EFL1: variants seen among roughly 807,000 people sequenced by gnomAD.
The protein encoded by EFL1 is elongation factor like GTPase 1, also known as elongation factor-like GTPase 1.
EFL1 carries 76 observed loss-of-function variants against 126.7 expected under a neutral mutation model. The ratio of observed to expected loss-of-function variants is 0.60; its 90% CI spans 0.50 to 0.73. The LOEUF is 0.73. EFL1 is among the 30% of genes least tolerant of loss of function. EFL1 has a pLI of 0.00. For missense variants in EFL1, 1,128 were observed against 1,343.2 expected (o/e 0.84, Z 2.50); for synonymous variants, 410 against 448.4 (o/e 0.91, Z 1.08).
chr15:82,163,797 T>C (rs1234028018), intron 16 of EFL1, 56 bp downstream of exon 16: 8 of 1,580,112 alleles, frequency 5.1e-6, no homozygotes, highest in Non-Finnish European at 6.9e-6. Flanking sequence ...ACTAAATACA[T>C]GCATATGCTT....
chr15:82,132,054 A>C (rs1040249764), intron 19 of EFL1, among the ~76,000 whole-genome samples: 1 of 152,226 alleles, frequency 6.6e-6, no homozygotes, highest in Admixed American at 6.5e-5. Flanking sequence ...CCAAGATAAT[A>C]AAATAATCCA....
chr15:82,153,091 C>A (rs1378071999), intron 17 of EFL1, among the ~76,000 whole-genome samples: 1 of 152,038 alleles, frequency 6.6e-6, no homozygotes, highest in Non-Finnish European at 1.5e-5. Flanking sequence ...ATTTGAAATG[C>A]GGCTAGTATG....
At chr15:82,237,218 T>C (rs1399980710) in intron 7 of EFL1, among the ~76,000 whole-genome samples, 1 of 152,086 alleles carries the variant, frequency 6.6e-6, no homozygotes, top group Admixed American at 6.6e-5. Flanking sequence ...TGTTAGAGGA[T>C]ATGAAGTCAA....
chr15:82,167,992 G>C (rs1258415991), intron 15 of EFL1, among the ~76,000 whole-genome samples: 1 of 152,156 alleles, frequency 6.6e-6, no homozygotes, highest in East Asian at 1.9e-4. Flanking sequence ...CATATGTCAT[G>C]AACATCCATA....
chr15:82,209,655 T>C (rs760637049), intron 15 of EFL1, among the ~76,000 whole-genome samples: 3 of 152,234 alleles, frequency 2.0e-5, no homozygotes, highest in African/African-American at 7.2e-5. Context: ...CAAAACGCTA[T>C]TGTGTGCTAA....
At chr15:82,194,555 C>T (rs1327678761) in intron 15 of EFL1, among the ~76,000 whole-genome samples, 1 of 152,238 alleles carries the variant, frequency 6.6e-6, no homozygotes, top group East Asian at 1.9e-4. Flanking sequence ...AATGCACTTA[C>T]AGAATTATTA....
chr15:82,187,042 T>C (rs1289149091), intron 15 of EFL1, among the ~76,000 whole-genome samples: 12 of 152,218 alleles, frequency 7.9e-5, no homozygotes, highest in Non-Finnish European at 1.8e-4. Flanking sequence ...TTTGGATATT[T>C]TGTTATACCT....
chr15:82,184,609 A>C (rs1015538004), intron 15 of EFL1, among the ~76,000 whole-genome samples: 1 of 152,256 alleles, frequency 6.6e-6, no homozygotes, highest in Non-Finnish European at 1.5e-5. Flanking sequence ...AGCATAGTCT[A>C]AAATGAGATG....
intron 3 of EFL1, among the ~76,000 whole-genome samples, chr15:82,257,139 A>T (rs2075073657): frequency 6.6e-6 from 1 of 152,168 alleles, no homozygotes; most frequent in Admixed American, 6.5e-5. Context: ...CAATTTCTTA[A>T]ATGACTATAG....
intron 15 of EFL1, among the ~76,000 whole-genome samples, chr15:82,201,035 T>G (rs1424506280): frequency 1.3e-5 from 2 of 152,212 alleles, no homozygotes; most frequent in African/African-American, 4.8e-5. Context: ...ACCATGCCTG[T>G]TTTTTTATTT....
intron 4 of EFL1, among the ~76,000 whole-genome samples, chr15:82,245,561 C>A (rs1274800637): frequency 1.3e-5 from 2 of 152,036 alleles, no homozygotes; most frequent in African/African-American, 4.8e-5. Flanking sequence ...AATTGTAAAG[C>A]TGACACAGGT....
intron 15 of EFL1, among the ~76,000 whole-genome samples, chr15:82,195,493 G>A (rs370535420): frequency 3.3e-5 from 5 of 152,192 alleles, no homozygotes; most frequent in Non-Finnish European, 5.9e-5. Context: ...CAGTGAACAT[G>A]AGAATCAACG....
intron 4 of EFL1, 37 bp downstream of exon 4, chr15:82,252,654 G>A (rs1436465914): frequency 4.0e-6 from 6 of 1,505,394 alleles, no homozygotes; most frequent in Non-Finnish European, 5.5e-6. Flanking sequence ...CATGAAAGAT[G>A]CAAAGCTGTG....
chr15:82,130,563 T>C lies in EFL1; in HGVS notation c.3175-2A>G, dbSNP rs2073629531. The C allele has an allele frequency of 3.1e-6, 5 of 1,613,172 alleles. No homozygotes were observed. Among genetic ancestry groups the C allele is most frequent in the Non-Finnish European group, 4.2e-6 (5 of 1,179,676 alleles). On this transcript the variant is annotated splice_acceptor_variant, in intron 19 of 19. Transcript: ENST00000268206. LOFTEE classifies it high-confidence loss of function. ...CCAGAAGGGGTCACTGGGAATGATC[T>C]TGTAAAAGAAGATGACAGAATGTGC... is the stretch of plus-strand genomic sequence containing the variant.
chr15:82,199,139 A>C (rs1447393225), intron 15 of EFL1, among the ~76,000 whole-genome samples: 3 of 152,084 alleles, frequency 2.0e-5, no homozygotes, highest in Non-Finnish European at 4.4e-5. Context: ...ACATCCTTCC[A>C]CCTCCAAATC....
At chr15:82,246,448 G>A (rs78079376) in intron 4 of EFL1, among the ~76,000 whole-genome samples, 20,606 of 152,088 alleles carry the variant, frequency 0.14, 1,697 homozygotes, top group South Asian at 0.38. Flanking sequence ...TGTCATTACT[G>A]TAAGGTGCTA....
chr15:82,159,524 AT>A (rs2074001751), intron 16 of EFL1, among the ~76,000 whole-genome samples: 1 of 152,034 alleles, frequency 6.6e-6, no homozygotes, highest in South Asian at 2.1e-4. Context: ...ACATTTTGAA[AT>A]TAGGTGTTTG....
chr15:82,261,629 A>G (rs1206060933), intron 2 of EFL1, 59 bp downstream of exon 2: 2 of 1,486,672 alleles, frequency 1.3e-6, no homozygotes, highest in East Asian at 4.5e-5. Context: ...CTCCACTGAG[A>G]CATACAGAGA....
chr15:82,199,381 G>A (rs1199892718), intron 15 of EFL1, among the ~76,000 whole-genome samples: 1 of 152,246 alleles, frequency 6.6e-6, no homozygotes, highest in African/African-American at 2.4e-5. Context: ...AGAAGGCCAA[G>A]GGCATAAGTC....
Sources: gnomAD v4.1 joint callset for allele counts (sites outside exome capture counted in the v4.1 genomes callset) on GRCh38, gnomAD v4.1.1 for gene constraint, MANE v1.5 for transcripts, NCBI Gene and HGNC (gene_info 2026-07-23, HGNC 2026-07-21) for gene names.